The following ABCB11 variants were observed in gnomAD, a reference collection of about 807,000 sequenced individuals.
ABCB11 encodes bile salt export pump.
A neutral mutation model predicts 148.0 loss-of-function variants in ABCB11; 95 were observed. The observed-to-expected ratio is 0.64, with a 90% confidence interval of 0.54 to 0.76. ABCB11 has a LOEUF of 0.76. ABCB11 is among the 30% of genes least tolerant of loss of function. ABCB11 has a pLI of 0.00. For missense variants in ABCB11, 1,523 were observed against 1,617.8 expected, an observed-to-expected ratio of 0.94 and a Z score of 1.01; for synonymous variants, 591 against 555.4, an observed-to-expected ratio of 1.06 and a Z score of -0.90.
intron 9 of ABCB11, among the ~76,000 whole-genome samples, chr2:168,988,826 T>G (rs1316307103): frequency 6.6e-6 from 1 of 152,176 alleles, no homozygotes; most frequent in African/African-American, 2.4e-5. Flanking sequence ...TAAGATGATA[T>G]CTCATTGTGG....
In ABCB11 at chr2:168,986,199, G is replaced by C; in HGVS notation, c.994C>G (p.Leu332Val). 6.2e-7 allele frequency: 1 copy of C among 1,613,220 alleles called. No individual in the cohort carries two copies. The highest frequency in any genetic ancestry group is 8.5e-7 in the Non-Finnish European group (1 of 1,179,538). Reference sequence around the variant, plus strand: ...GCCAGTGCATAACACAAAAAGATGAGACACCACACGAATCCAGTAAAGAAT... The same window carrying C: ...GCCAGTGCATAACACAAAAAGATGACACACCACACGAATCCAGTAAAGAAT... ...MGFFTGFVWC[L>V]IFLCYALAFW... The change falls in exon 10 of 28, where the codon CTC (leucine) becomes GTC (valine). Residue 332 changes from leucine to valine, a missense_variant. Physicochemically the swap from Leu to Val is conservative, Grantham distance 32. Transcript: ENST00000650372.
At chr2:168,935,883 C>G (rs142733413) in intron 22 of ABCB11, among the ~76,000 whole-genome samples, 89 of 152,298 alleles carry the variant, frequency 5.8e-4, no homozygotes, top group African/African-American at 2.1e-3. Context: ...TCAGGGGAAC[C>G]ATTAAATTGC....
At chr2:169,014,274 A>G (rs748337100) in intron 4 of ABCB11, 29 bp downstream of exon 4, 2 of 1,600,616 alleles carry the variant, frequency 1.2e-6, no homozygotes, top group African/African-American at 2.7e-5. Context: ...CTGCACACCC[A>G]CTGCCATAAA....
At chr2:168,935,135 T>C in intron 23 of ABCB11, 49 bp downstream of exon 23, 2 of 1,606,384 alleles carry the variant, frequency 1.2e-6, no homozygotes, top group Non-Finnish European at 8.5e-7. Flanking sequence ...ACCAGGCTAT[T>C]CCTTCCTTGT....
Position 169,013,344 on chromosome 2 carries a change from GC to G in ABCB11, c.316del (p.Ala106HisfsTer3). On this transcript the variant is annotated frameshift_variant, in exon 5 of 28. Transcript: ENST00000650372. LOFTEE classifies it high-confidence loss of function. ...ELQELQIPGK[A>X]CVNNTIVWTN... Reference sequence around the variant, plus strand: ...CCATACAATGGTGTTATTCACACATGCTTTTCCTGGAATCTGGAGTTCTTGT... The same window carrying G: ...CCATACAATGGTGTTATTCACACATGTTTTCCTGGAATCTGGAGTTCTTGT... The G allele has an allele frequency of 6.2e-7, 1 of 1,613,780 alleles. No individual in the cohort carries two copies. The highest frequency in any genetic ancestry group is 8.5e-7 in the Non-Finnish European group (1 of 1,179,750).
At chr2:168,983,978 C>T (rs1391159093) in intron 10 of ABCB11, among the ~76,000 whole-genome samples, 2 of 151,748 alleles carry the variant, frequency 1.3e-5, no homozygotes, top group African/African-American at 4.8e-5. Context: ...TAAATAAATG[C>T]AAATATTCCA....
intron 1 of ABCB11, among the ~76,000 whole-genome samples, chr2:169,030,148 A>AT (rs1695824709): frequency 6.6e-6 from 1 of 152,204 alleles, no homozygotes; most frequent in Non-Finnish European, 1.5e-5. Context: ...CAAAATGGGC[A>AT]TTTTCCCCCT....
chr2:168,987,475 C>T (rs1485133970), intron 9 of ABCB11, among the ~76,000 whole-genome samples: 1 of 152,160 alleles, frequency 6.6e-6, no homozygotes, highest in Non-Finnish European at 1.5e-5. Flanking sequence ...ATCATTCAGG[C>T]TGGAGTGCAG....
At chr2:168,978,551 C>T (rs1195613213) in intron 11 of ABCB11, among the ~76,000 whole-genome samples, 1 of 152,126 alleles carries the variant, frequency 6.6e-6, no homozygotes, top group Non-Finnish European at 1.5e-5. Flanking sequence ...TACAACTTCA[C>T]TGTTTGGCGA....
intron 7 of ABCB11, among the ~76,000 whole-genome samples, chr2:168,994,359 A>C (rs753141035): frequency 6.6e-6 from 1 of 152,108 alleles, no homozygotes; most frequent in Non-Finnish European, 1.5e-5. Flanking sequence ...ATGTGTGTGG[A>C]ATTATTGCAT....
chr2:168,995,271 A>T, intron 7 of ABCB11, 78 bp downstream of exon 7: 1 of 1,473,526 alleles, frequency 6.8e-7, no homozygotes, highest in Non-Finnish European at 9.1e-7. Flanking sequence ...AATATTTTTA[A>T]ATTTTTATTT....
chr2:168,940,027 GTC>G (rs1167365452), intron 21 of ABCB11, among the ~76,000 whole-genome samples: 2 of 151,922 alleles, frequency 1.3e-5, no homozygotes, highest in Non-Finnish European at 2.9e-5. Context: ...TGGTCATTCT[GTC>G]TCTCTCTCTT....
intron 9 of ABCB11, among the ~76,000 whole-genome samples, chr2:168,989,925 A>G (rs1422485441): frequency 6.6e-6 from 1 of 152,076 alleles, no homozygotes; most frequent in African/African-American, 2.4e-5. Flanking sequence ...TGACATGCCT[A>G]TGTTGAACCA....
chr2:168,963,289 C>T (rs1169938448), intron 18 of ABCB11, among the ~76,000 whole-genome samples: 1 of 151,698 alleles, frequency 6.6e-6, no homozygotes, highest in Non-Finnish European at 1.5e-5. Flanking sequence ...GGTTAGGTAA[C>T]CAAGTTGATT....
chr2:168,958,164 T>G (rs1692885417), intron 18 of ABCB11, 36 bp from the exon 19 acceptor site: 1 of 1,590,902 alleles, frequency 6.3e-7, no homozygotes, highest in Non-Finnish European at 8.6e-7. Context: ...ATCATCTAAA[T>G]GTACTCAAGA....
intron 5 of ABCB11, among the ~76,000 whole-genome samples, chr2:168,998,516 C>A (rs1468287108): frequency 2.6e-5 from 4 of 152,078 alleles, no homozygotes; most frequent in African/African-American, 9.7e-5. Flanking sequence ...TCGATTTGAT[C>A]ATTACACATT....
intron 7 of ABCB11, 96 bp downstream of exon 7, chr2:168,995,253 A>C: frequency 7.2e-7 from 1 of 1,388,982 alleles, no homozygotes; most frequent in Non-Finnish European, 9.7e-7. Context: ...AAACATAGGA[A>C]AACTGAAAAT....
At chr2:168,924,943 A>AGGAC in intron 26 of ABCB11, 140 bp from the exon 27 acceptor site, 1 of 584,088 alleles carries the variant, frequency 1.7e-6, no homozygotes, top group Non-Finnish European at 2.7e-6. Context: ...CTCCTATAGG[A>AGGAC]TGGAGGATGT....
intron 1 of ABCB11, among the ~76,000 whole-genome samples, chr2:169,029,724 C>CT (rs1166356679): frequency 0.058 from 5,134 of 88,098 alleles, 1,162 homozygotes; most frequent in African/African-American, 0.17. Context: ...GTTCTTTCCT[C>CT]TTTTTTTTTT....
Sources: allele counts gnomAD v4.1 joint callset (sites outside exome capture counted in the v4.1 genomes callset), GRCh38; gene constraint gnomAD v4.1.1; transcripts MANE v1.5; gene names NCBI Gene and HGNC (gene_info 2026-07-23, HGNC 2026-07-21).